EPB41: variants seen among roughly 807,000 people sequenced by gnomAD.
The protein encoded by EPB41 is erythrocyte membrane protein band 4.1.
In EPB41, 65 loss-of-function variants were observed where a neutral mutation model predicts 108.0. The ratio of observed to expected loss-of-function variants is 0.60; its 90% confidence interval spans 0.49 to 0.74. The LOEUF is 0.74. Ranked by LOEUF, EPB41 falls within the 30% of genes least tolerant of loss-of-function variation. The pLI is 0.00. For synonymous variants in EPB41, 336 were observed against 358.9 expected (o/e 0.94, Z 0.72); for missense variants, 875 against 1,037.0 (o/e 0.84, Z 2.15).
chr1:29,063,628 A>G (rs1234372971), intron 15 of EPB41, among the ~76,000 whole-genome samples: 1 of 152,204 alleles, frequency 6.6e-6, no homozygotes, highest in Non-Finnish European at 1.5e-5. Flanking sequence ...ACCCCAATAC[A>G]GCTGTTTCCT....
rs1671446421 is a variant in EPB41, at chr1:29,119,077, G to A, written c.*2265G>A. ...AGGACCGTTCATCGGGGGCCTAAACGTTTCCCTCAGCTCTGTCACCAACTC... is the reference window on the plus strand; with the variant it reads ...AGGACCGTTCATCGGGGGCCTAAACATTTCCCTCAGCTCTGTCACCAACTC... On this transcript the variant is annotated 3_prime_UTR_variant, in exon 21 of 21. Transcript: ENST00000343067. 6.6e-6 allele frequency: 1 copy of A among 152,232 alleles called. No individual in the cohort carries two copies. Among genetic ancestry groups the A allele is most frequent in the African/African-American group, 2.4e-5 (1 of 41,432 alleles). The allele number at this position is 152,232 out of a possible 1,614,324, so 9.4% of individuals were successfully genotyped here. A position where few individuals can be genotyped will look rare whatever the true frequency, so the allele number is the denominator to read the frequency against.
At chr1:28,910,950 T>C (rs1439182767), upstream of EPB41, 1 of 984,118 alleles carries the variant, frequency 1.0e-6, no homozygotes, top group African/African-American at 1.7e-5. Flanking sequence ...GCCACCCAGA[T>C]GTGAGCATGG....
chr1:29,098,809 T>C (rs1269741530), intron 17 of EPB41, among the ~76,000 whole-genome samples: 1 of 151,620 alleles, frequency 6.6e-6, no homozygotes, highest in Admixed American at 6.6e-5. Context: ...AGTGGCGTGA[T>C]GATCTCAGCT....
intron 1 of EPB41, among the ~76,000 whole-genome samples, chr1:28,959,980 C>T (rs887189563): frequency 1.3e-5 from 2 of 150,238 alleles, no homozygotes; most frequent in Non-Finnish European, 3.0e-5. Context: ...CTTCTTGAGG[C>T]CCTTTCTTTT....
intron 4 of EPB41, among the ~76,000 whole-genome samples, 181 bp downstream of exon 4, chr1:28,997,500 C>T (rs1294851938): frequency 6.6e-6 from 1 of 152,030 alleles, no homozygotes; most frequent in Non-Finnish European, 1.5e-5. Flanking sequence ...AAGGAAAGAC[C>T]ATTGCTGGTG....
intron 1 of EPB41, among the ~76,000 whole-genome samples, chr1:28,923,106 C>A (rs1217744064): frequency 1.7e-5 from 2 of 114,726 alleles, no homozygotes; most frequent in Non-Finnish European, 1.7e-5. Flanking sequence ...CCTTTCTTTT[C>A]TTTTCTTTTT....
intron 16 of EPB41, among the ~76,000 whole-genome samples, chr1:29,093,761 C>T (rs970594258): frequency 1.9e-4 from 29 of 152,046 alleles, no homozygotes; most frequent in African/African-American, 5.6e-4. Context: ...AAAAATTAGC[C>T]GTGCGTGGTG....
rs200635934 is a variant in EPB41 at position 29,011,902 on chromosome 1, T to C, written c.824T>C (p.Val275Ala). The change falls in exon 5 of 21, where the codon GTT (valine) becomes GCT (alanine). Residue 275 changes from valine (V) to alanine (A), a missense_variant. By Grantham distance (64) the Val-to-Ala change is moderately conservative. Around this residue, in one of 3 missense-constraint regions of EPB41, gnomAD observed 353 missense variants for 393.2 expected, o/e 0.90. Transcript: ENST00000343067. ...TCCGCCAAAGAAATAAAAAAGCAGG[T>C]TCGTGGTAAGTGGATATAGCTCTTT... ...LDSAKEIKKQ[V>A]RGVPWNFTFN... is the part of the protein sequence containing the mutation. 8 of 1,614,110 alleles carry C rather than the reference T, an allele frequency of 5.0e-6. No homozygotes were observed. Among genetic ancestry groups the C allele is most frequent in the Non-Finnish European group, 6.8e-6 (8 of 1,179,974 alleles).
At chr1:28,956,434 T>C (rs1321305680) in intron 1 of EPB41, among the ~76,000 whole-genome samples, 1 of 152,208 alleles carries the variant, frequency 6.6e-6, no homozygotes, top group Non-Finnish European at 1.5e-5. Context: ...TTTTGAAGAA[T>C]TGAAAGTAAA....
intron 1 of EPB41, among the ~76,000 whole-genome samples, chr1:28,930,677 G>T (rs925372303): frequency 8.6e-5 from 13 of 151,558 alleles, no homozygotes; most frequent in Admixed American, 1.3e-4. Flanking sequence ...TAGAGACGGG[G>T]TTTCACCTTG....
rs192819601 is a variant in EPB41, at chr1:29,117,695, A to G, written c.*883A>G. 1.3e-5 allele frequency: 2 copies of G among 152,718 alleles called. No homozygotes were observed. Among genetic ancestry groups the G allele is most frequent in the East Asian group, 3.9e-4 (2 of 5,170 alleles). 9.5% of individuals were successfully genotyped at this position (152,718 alleles called of 1,614,324 possible). On this transcript the variant is annotated 3_prime_UTR_variant, in exon 21 of 21. Transcript: ENST00000343067. ...GAACATTTTTAGTGGTGATTTGGGG[A>G]AGGAAAGTTAATGAGGTTTTTAAAA... is the stretch of plus-strand genomic sequence containing the variant.
At chr1:28,901,370 G>A (rs1378642784) in intron 1 of EPB41, among the ~76,000 whole-genome samples, 4 of 148,396 alleles carry the variant, frequency 2.7e-5, no homozygotes, top group Non-Finnish European at 4.5e-5. Flanking sequence ...GACTACAGGC[G>A]TGCGCCACCA....
intron 2 of EPB41, among the ~76,000 whole-genome samples, chr1:28,990,031 C>A (rs1196087306): frequency 6.6e-6 from 1 of 151,814 alleles, no homozygotes; most frequent in Non-Finnish European, 1.5e-5. Flanking sequence ...CTGAGGCAGG[C>A]GAATCACAAG....
At chr1:28,897,618 AG>A in intron 1 of EPB41, among the ~76,000 whole-genome samples, 1 of 8,032 alleles carries the variant, frequency 1.2e-4, no homozygotes, top group Non-Finnish European at 1.8e-4. Flanking sequence ...GGGAGGGGAG[AG>A]GAGGGGAGAG....
chr1:29,010,753 A>T (rs1191006351), intron 4 of EPB41, among the ~76,000 whole-genome samples: 1 of 152,182 alleles, frequency 6.6e-6, no homozygotes, highest in Non-Finnish European at 1.5e-5. Flanking sequence ...GTTTGGGAAA[A>T]CAAAATATTT....
At chr1:29,106,563 G>GTTTTTTT (rs1558324414) in intron 17 of EPB41, among the ~76,000 whole-genome samples, 10 of 37,144 alleles carry the variant, frequency 2.7e-4, no homozygotes, top group South Asian at 9.7e-4. Flanking sequence ...GAGTAGCTGG[G>GTTTTTTT]ATTTTTTTTT....
At chr1:29,112,955 C>T (rs916818260) in intron 19 of EPB41, among the ~76,000 whole-genome samples, 5 of 152,076 alleles carry the variant, frequency 3.3e-5, no homozygotes, top group Non-Finnish European at 7.4e-5. Flanking sequence ...AAGACACGAG[C>T]GGGAGCATAG....
intron 2 of EPB41, among the ~76,000 whole-genome samples, chr1:28,989,188 G>A (rs2095946750): frequency 6.6e-6 from 1 of 152,190 alleles, no homozygotes; most frequent in South Asian, 2.1e-4. Flanking sequence ...TACAGATGAG[G>A]AAGTCTAGCT....
intron 12 of EPB41, among the ~76,000 whole-genome samples, chr1:29,055,950 AAAAG>A (rs1414468703): frequency 3.4e-5 from 5 of 145,578 alleles, no homozygotes; most frequent in Non-Finnish European, 7.5e-5. Flanking sequence ...AAAAAAAAAA[AAAAG>A]GGCCGGGCGC....
Sources: gnomAD v4.1 joint callset for allele counts (sites outside exome capture counted in the v4.1 genomes callset) on GRCh38, gnomAD v4.1.1 for gene constraint, gnomAD v4.1.1 regional missense constraint, MANE v1.5 for transcripts, NCBI Gene and HGNC (gene_info 2026-07-23, HGNC 2026-07-21) for gene names.